CMC1: variants seen among roughly 807,000 people sequenced by gnomAD.
The protein encoded by CMC1 is COX assembly mitochondrial protein homolog.
A neutral mutation model predicts 14.1 loss-of-function variants in CMC1; 14 were observed. The observed-to-expected ratio is 0.99, with a 90% CI of 0.66 to 1.55. The LOEUF (loss-of-function observed/expected upper bound fraction) is 1.55, where lower values mean the gene tolerates loss of function less well. Among genes scored for constraint, CMC1 ranks in the 40% most tolerant of loss-of-function variants. The probability of loss-of-function intolerance (pLI) is 0.00; values close to 1 mark genes in which losing one functional copy is unlikely to be tolerated. For synonymous variants in CMC1, 50 were observed against 38.4 expected (o/e 1.30, Z -1.12); for missense variants, 127 against 123.8 (o/e 1.03, Z -0.12).
chr3:28,246,551 C>G (rs1427790736), intron 1 of CMC1, among the ~76,000 whole-genome samples: 3 of 152,098 alleles, frequency 2.0e-5, no homozygotes, highest in Non-Finnish European at 4.4e-5. Context: ...TTGTTTAGAT[C>G]AAGAATAACC....
intron 1 of CMC1, among the ~76,000 whole-genome samples, chr3:28,242,268 G>C (rs1223151547): frequency 1.3e-5 from 2 of 152,196 alleles, no homozygotes; most frequent in African/African-American, 4.8e-5. Flanking sequence ...ACTATGGCAG[G>C]AGTCAGTTTC....
intron 2 of CMC1, among the ~76,000 whole-genome samples, chr3:28,266,859 G>A (rs1025780721): frequency 4.6e-5 from 7 of 152,018 alleles, no homozygotes; most frequent in Admixed American, 1.3e-4. Context: ...GAATAAAGCC[G>A]CTAAAATAAA....
At chr3:28,302,409 G>A (rs1221357818) in intron 2 of CMC1, among the ~76,000 whole-genome samples, 1 of 152,076 alleles carries the variant, frequency 6.6e-6, no homozygotes, top group African/African-American at 2.4e-5. Flanking sequence ...GACTATGTGG[G>A]ACAGCAAAGA....
At chr3:28,258,391 C>G (rs78845942) in intron 1 of CMC1, among the ~76,000 whole-genome samples, 39 of 150,690 alleles carry the variant, frequency 2.6e-4, no homozygotes, top group African/African-American at 9.5e-4. Flanking sequence ...ATTGAAGGGT[C>G]TTTTTTGTTT....
In CMC1 at chr3:28,319,960, C is replaced by A; in HGVS notation, c.*331C>A. The A allele has an allele frequency of 6.2e-6, 1 of 161,826 alleles. No homozygotes were observed. The highest frequency in any genetic ancestry group is 1.3e-5 in the Non-Finnish European group (1 of 74,936). The allele number at this position is 161,826 out of a possible 1,614,324, so 10.0% of individuals were successfully genotyped here. ...ATATGCTAATGGCTAATCATGGGAG[C>A]CAAAACTAAAGAAAAGCAGGAATGG... is the stretch of plus-strand genomic sequence containing the variant. On this transcript the variant is annotated 3_prime_UTR_variant, in exon 4 of 4. Coordinates refer to ENST00000466830, the MANE Select transcript of CMC1 (RefSeq NM_182523.2).
chr3:28,284,686 T>C (rs1243978117), intron 2 of CMC1, among the ~76,000 whole-genome samples: 1 of 152,142 alleles, frequency 6.6e-6, no homozygotes, highest in Non-Finnish European at 1.5e-5. Context: ...AAAGCACTCT[T>C]CTATATAAGC....
At position 28,241,639 on chromosome 3, in the gene CMC1, A is replaced by G. The variant is rs921228790; in HGVS notation, c.-155A>G. On this transcript the variant is annotated 5_prime_UTR_variant, in exon 1 of 4. Transcript: ENST00000466830. ...GTAGGAGCCTGGGAAGGAAGAGGGA[A>G]CGGGTCCTGGCGGTGCTTTGCAAAG... 62 of 1,231,286 alleles carry G rather than the reference A, an allele frequency of 5.0e-5. No individual in the cohort carries two copies. The highest frequency in any genetic ancestry group is 6.1e-5 in the Non-Finnish European group (60 of 987,196). 76.3% of individuals were successfully genotyped at this position (1,231,286 alleles called of 1,614,324 possible).
chr3:28,310,267 C>A (rs1702572659), intron 2 of CMC1, among the ~76,000 whole-genome samples: 1 of 152,206 alleles, frequency 6.6e-6, no homozygotes, highest in Non-Finnish European at 1.5e-5. Flanking sequence ...TTGTCTTCCT[C>A]AGGGACTATT....
chr3:28,241,727 C>T lies in CMC1; in HGVS notation c.-67C>T. On this transcript the variant is annotated 5_prime_UTR_variant, in exon 1 of 4. Transcript: ENST00000466830. Reference sequence around the variant, plus strand: ...CACGTGCGTCCGAGCCCAAGCCCCTCCCCTCCACTCCCCTTCCTGCGTGCC... The same window carrying T: ...CACGTGCGTCCGAGCCCAAGCCCCTTCCCTCCACTCCCCTTCCTGCGTGCC... The T allele has an allele frequency of 8.1e-7, 1 of 1,241,006 alleles. No individual in the cohort carries two copies. Among genetic ancestry groups the T allele is most frequent in the South Asian group, 4.1e-5 (1 of 24,294 alleles). The allele number at this position is 1,241,006 out of a possible 1,614,324, so 76.9% of individuals were successfully genotyped here. A position where few individuals can be genotyped will look rare whatever the true frequency, so the allele number is the denominator to read the frequency against.
chr3:28,281,408 GA>G (rs1447587282), intron 2 of CMC1, among the ~76,000 whole-genome samples: 1 of 152,074 alleles, frequency 6.6e-6, no homozygotes, highest in Non-Finnish European at 1.5e-5. Flanking sequence ...TATTTCATTG[GA>G]AAAAGGTAAC....
At chr3:28,279,262 C>T (rs1700745057) in intron 2 of CMC1, among the ~76,000 whole-genome samples, 1 of 152,110 alleles carries the variant, frequency 6.6e-6, no homozygotes, top group Non-Finnish European at 1.5e-5. Context: ...TCTGAAGAAC[C>T]AAGGACAGGG....
intron 2 of CMC1, among the ~76,000 whole-genome samples, chr3:28,272,421 T>C (rs74627073): frequency 6.6e-6 from 1 of 152,330 alleles, no homozygotes; most frequent in African/African-American, 2.4e-5. Flanking sequence ...TGATGGTTTT[T>C]AACATGAAGG....
rs1329128224 is a variant in CMC1 at position 28,287,860 on chromosome 3, T to C, written c.109+24480T>C. ...TTATTTTACACTCTGAAAACCATGA[T>C]TGAATTTCAATGTATATTAAAATAT... On this transcript the variant is annotated intron_variant, in intron 2 of 3. Coordinates refer to ENST00000466830, the MANE Select transcript of CMC1 (RefSeq NM_182523.2). Among the ~76,000 whole-genome samples, 8 of 152,136 alleles carry C rather than the reference T, an allele frequency of 5.3e-5. No homozygotes were observed. The South Asian group carries it at 1.7e-3, about 32-fold the overall frequency.
intron 2 of CMC1, among the ~76,000 whole-genome samples, chr3:28,263,622 G>A (rs1699845005): frequency 6.6e-6 from 1 of 151,938 alleles, no homozygotes; most frequent in Non-Finnish European, 1.5e-5. Context: ...ACCCTCAGAG[G>A]TACAGTTATA....
At chr3:28,256,178 C>A (rs1576986051) in intron 1 of CMC1, among the ~76,000 whole-genome samples, 1 of 151,060 alleles carries the variant, frequency 6.6e-6, no homozygotes, top group East Asian at 1.9e-4. Flanking sequence ...TATATATACA[C>A]ACATATGCAT....
chr3:28,290,651 A>AT (rs561019182), intron 2 of CMC1, among the ~76,000 whole-genome samples: 1 of 151,560 alleles, frequency 6.6e-6, no homozygotes, highest in African/African-American at 2.4e-5. Context: ...TGGTTTGTAC[A>AT]TTTTTTTTAA....
chr3:28,278,044 C>CTGATTGTGTGTTTGATG (rs1700672928), intron 2 of CMC1, among the ~76,000 whole-genome samples: 1 of 143,618 alleles, frequency 7.0e-6, no homozygotes, highest in Non-Finnish European at 1.5e-5. Flanking sequence ...CCATTTTTGT[C>CTGATTGTGTGTTTGATG]TGATTGTGTG....
intron 1 of CMC1, among the ~76,000 whole-genome samples, chr3:28,259,015 A>G (rs1412633591): frequency 6.6e-6 from 1 of 152,096 alleles, no homozygotes; most frequent in Non-Finnish European, 1.5e-5. Context: ...GTAGTTTTGT[A>G]GTATGACTTG....
At position 28,323,956 on chromosome 3, in the gene CMC1, C is replaced by T. The variant is rs1377552085; in HGVS notation, c.*4327C>T. On this transcript the variant is annotated 3_prime_UTR_variant, in exon 4 of 4. Transcript: ENST00000466830. ...ACCTCTGCAAAATTTTAATCAAAAT[C>T]TCCTTTCAGTTTGTTAAATAATTTC... is the stretch of plus-strand genomic sequence containing the variant. 1 of 1,431,636 alleles carries T rather than the reference C, an allele frequency of 7.0e-7. No individual in the cohort carries two copies. Among genetic ancestry groups the T allele is most frequent in the Non-Finnish European group, 9.5e-7 (1 of 1,057,198 alleles). 88.7% of individuals were successfully genotyped at this position (1,431,636 alleles called of 1,614,324 possible).
Sources: allele counts gnomAD v4.1 joint callset (sites outside exome capture counted in the v4.1 genomes callset), GRCh38; gene constraint gnomAD v4.1.1; transcripts MANE v1.5; gene names NCBI Gene and HGNC (gene_info 2026-07-23, HGNC 2026-07-21).